RC3H2: variants seen among roughly 807,000 people sequenced by gnomAD.
RC3H2 encodes roquin-2.
A neutral mutation model predicts 133.3 loss-of-function variants in RC3H2; 31 were observed. The ratio of observed to expected loss-of-function variants is 0.23; its 90% confidence interval spans 0.17 to 0.31. RC3H2 has a LOEUF of 0.31. RC3H2 is among the 10% of genes least tolerant of loss of function. RC3H2 has a pLI of 1.00. For synonymous variants in RC3H2, 517 were observed against 502.2 expected (o/e 1.03, Z -0.40); for missense variants, 1,175 against 1,437.2 (o/e 0.82, Z 2.95).
Position 122,853,962 on chromosome 9 carries a change from C to T in RC3H2, c.3107G>A (p.Arg1036Lys). Reference sequence around the variant, plus strand: ...GTTCAGTTTCTTTACCTCTCCATTTCTTAGTTCAATTTCCTTGCTTAAAAG... The same window carrying T: ...GTTCAGTTTCTTTACCTCTCCATTTTTTAGTTCAATTTCCTTGCTTAAAAG... ...LNLLSKEIEL[R>K]NGELQSDYTE... Residue 1036 changes from arginine (R) to lysine (K), a missense_variant, in exon 18 of 21, where the codon AGA becomes AAA. Arg to Lys is a conservative substitution (Grantham distance 26, BLOSUM62 2). This residue lies in a region of RC3H2 where 220 missense variants were observed against 201.1 expected (regional missense o/e 1.09). Coordinates refer to ENST00000357244, the MANE Select transcript of RC3H2 (RefSeq NM_001100588.3). 1 of 1,614,196 alleles carries T rather than the reference C, an allele frequency of 6.2e-7. No individual in the cohort carries two copies. Among genetic ancestry groups the T allele is most frequent in the South Asian group, 1.1e-5 (1 of 91,082 alleles).
At chr9:122,882,958 C>T (rs1486012584) in intron 5 of RC3H2, among the ~76,000 whole-genome samples, 1 of 152,170 alleles carries the variant, frequency 6.6e-6, no homozygotes, top group East Asian at 1.9e-4. Context: ...GTCAAGTTTA[C>T]CAAATGATTT....
intron 4 of RC3H2, among the ~76,000 whole-genome samples, chr9:122,885,919 G>T (rs1300364006): frequency 6.6e-6 from 1 of 152,084 alleles, no homozygotes; most frequent in African/African-American, 2.4e-5. Context: ...ACAAAGTCTT[G>T]CTCTGTCACC....
chr9:122,897,755 C>G (rs1832482700), intron 1 of RC3H2, 179 bp from the exon 2 acceptor site: 1 of 486,752 alleles, frequency 2.1e-6, no homozygotes, highest in South Asian at 2.6e-5. Flanking sequence ...GAAATTCTGC[C>G]TGGAAACAAT....
In RC3H2 at chr9:122,859,252, C is replaced by CTTT. The variant is rs10608695; in HGVS notation, c.1850-153_1850-151dup. 4.7e-4 allele frequency: 90 copies of CTTT among 190,794 alleles called. 1 individual carries two copies. Among genetic ancestry groups the CTTT allele is most frequent in the South Asian group, 7.1e-4 (5 of 7,010 alleles). 11.8% of individuals were successfully genotyped at this position (190,794 alleles called of 1,614,324 possible). On this transcript the variant is annotated intron_variant, in intron 11 of 20. Transcript: ENST00000357244. Reference sequence around the variant, plus strand: ...TGCTTTATAAAGCTTTATACCCTGGCTTTTTTTTTTTTTTTTTTTTTTGGT... The same window carrying CTTT: ...TGCTTTATAAAGCTTTATACCCTGGCTTTTTTTTTTTTTTTTTTTTTTTTTGGT...
intron 6 of RC3H2, 133 bp downstream of exon 6, chr9:122,880,461 G>C (rs1831569626): frequency 1.1e-5 from 8 of 760,690 alleles, no homozygotes; most frequent in Non-Finnish European, 1.7e-5. Flanking sequence ...AAGAAAATAA[G>C]GATAATTTAT....
chr9:122,853,388 A>AAAG (rs2131383261), intron 18 of RC3H2, among the ~76,000 whole-genome samples: 1 of 151,094 alleles, frequency 6.6e-6, no homozygotes, highest in East Asian at 1.9e-4. Flanking sequence ...TAAAAAAAAA[A>AAAG]AAAAAAAAAG....
At chr9:122,883,458 A>G (rs1272743041) in intron 4 of RC3H2, 79 bp from the exon 5 acceptor site, 1 of 1,130,540 alleles carries the variant, frequency 8.8e-7, no homozygotes, top group South Asian at 1.7e-5. Context: ...ATCTTTGGGT[A>G]TTAGAGTTTA....
chr9:122,880,852 T>A, intron 5 of RC3H2, 58 bp from the exon 6 acceptor site: 1 of 1,253,104 alleles, frequency 8.0e-7, no homozygotes, highest in Non-Finnish European at 1.2e-6. Flanking sequence ...CTTCAACTGA[T>A]TCGTTTATTC....
chr9:122,844,948 A>G lies in RC3H2; in HGVS notation c.*4679T>C, dbSNP rs1390475714. ...CAGAATTATTTTAAATTATAGTTTT[A>G]AATAGAAGCTGAGTATATGCCTTAA... On this transcript the variant is annotated 3_prime_UTR_variant, in exon 21 of 21. Coordinates refer to ENST00000357244, the MANE Select transcript of RC3H2 (RefSeq NM_001100588.3). 6.6e-6 allele frequency: 1 copy of G among 152,242 alleles called. No homozygotes were observed. Among genetic ancestry groups the G allele is most frequent in the African/African-American group, 2.4e-5 (1 of 41,460 alleles). 9.4% of individuals were successfully genotyped at this position (152,242 alleles called of 1,614,324 possible).
intron 3 of RC3H2, among the ~76,000 whole-genome samples, chr9:122,890,835 C>T (rs1832133769): frequency 6.6e-6 from 1 of 152,186 alleles, no homozygotes; most frequent in South Asian, 2.1e-4. Context: ...GATTCTACTC[C>T]TATGTACCTA....
intron 9 of RC3H2, among the ~76,000 whole-genome samples, chr9:122,875,762 C>T (rs1163597496): frequency 6.6e-6 from 1 of 152,150 alleles, no homozygotes; most frequent in Non-Finnish European, 1.5e-5. Context: ...GGAAAGAGCA[C>T]AGTGCATACC....
Position 122,878,327 on chromosome 9 carries a change from C to T in RC3H2, c.1213-744G>A, listed in dbSNP as rs938663539. ...TGTTGCCCAGGCTGGAGTGCAGTGG[C>T]GCCATCTCAGCTCACTGCAAGCTCC... is the stretch of plus-strand genomic sequence containing the variant. On this transcript the variant is annotated intron_variant, in intron 8 of 20. Coordinates refer to ENST00000357244, the MANE Select transcript of RC3H2 (RefSeq NM_001100588.3). Among the ~76,000 whole-genome samples, 3 of 152,008 alleles carry T rather than the reference C, an allele frequency of 2.0e-5. No homozygotes were observed. In the South Asian group the frequency reaches 6.2e-4, roughly 32 times the overall value.
chr9:122,856,395 G>T (rs1461541274), intron 13 of RC3H2, among the ~76,000 whole-genome samples: 1 of 152,186 alleles, frequency 6.6e-6, no homozygotes, highest in East Asian at 1.9e-4. Context: ...TGGGACTATA[G>T]GCACACGCCA....
intron 2 of RC3H2, among the ~76,000 whole-genome samples, chr9:122,894,176 G>A (rs10217802): frequency 0.21 from 32,556 of 151,538 alleles, 4,915 homozygotes; most frequent in East Asian, 0.65. Flanking sequence ...GGAGAATGCC[G>A]TGAACCTGGG....
chr9:122,859,394 A>G (rs1405643874), intron 11 of RC3H2, among the ~76,000 whole-genome samples: 1 of 151,716 alleles, frequency 6.6e-6, no homozygotes, highest in Non-Finnish European at 1.5e-5. Flanking sequence ...CCTGACCACA[A>G]ACTACATATT....
rs201440012 is a variant in RC3H2 at position 122,849,761 on chromosome 9, T to C, written c.3442A>G (p.Ile1148Val). The C allele has an allele frequency of 1.1e-4, 177 of 1,607,482 alleles. No individual in the cohort carries two copies. The highest frequency in any genetic ancestry group is 1.2e-4 in the Non-Finnish European group (138 of 1,176,934). Residue 1148 changes from isoleucine to valine, a missense_variant, in exon 21 of 21, where the codon ATT becomes GTT. Ile to Val is a conservative substitution (Grantham distance 29). Transcript: ENST00000357244. Reference sequence around the variant, plus strand: ...ATGGGGAGGCAACTTGCATTGCTAATAGACACTGGGAGTGGCTGGCTAAAG... The same window carrying C: ...ATGGGGAGGCAACTTGCATTGCTAACAGACACTGGGAGTGGCTGGCTAAAG... ...SCFSQPLPVS[I>V]SNASCLPITT...
rs562634934 is a variant in RC3H2 at position 122,875,379 on chromosome 9, T to C, written c.1325+2092A>G. ...CCACGGGGGTTACACTTATGTAAGA[T>C]AGACAAACATTTAATAAACAGATCA... is the stretch of plus-strand genomic sequence containing the variant. On this transcript the variant is annotated intron_variant, in intron 9 of 20. Transcript: ENST00000357244. The C allele has an allele frequency of 9.1e-6, 14 of 1,536,056 alleles. 1 individual carries two copies. Among genetic ancestry groups the C allele is most frequent in the South Asian group, 6.0e-5 (5 of 82,734 alleles).
chr9:122,872,412 A>G (rs1242259014), intron 9 of RC3H2, among the ~76,000 whole-genome samples: 1 of 152,232 alleles, frequency 6.6e-6, no homozygotes, highest in East Asian at 1.9e-4. Context: ...CACCAGAGTG[A>G]TATGTCTAAG....
At chr9:122,892,781 A>T in intron 3 of RC3H2, 128 bp downstream of exon 3, 1 of 680,012 alleles carries the variant, frequency 1.5e-6, no homozygotes, top group Non-Finnish European at 2.5e-6. Context: ...CTCAGTCTAT[A>T]CATTTTTCAA....
Sources: allele counts gnomAD v4.1 joint callset (sites outside exome capture counted in the v4.1 genomes callset), GRCh38; gene constraint gnomAD v4.1.1; regional missense constraint gnomAD v4.1.1; transcripts MANE v1.5; gene names NCBI Gene and HGNC (gene_info 2026-07-23, HGNC 2026-07-21).